SZRD1: variants seen among roughly 807,000 people sequenced by gnomAD.
SZRD1 encodes SUZ RNA-binding domain-containing.
In SZRD1, 7 loss-of-function variants were observed where a neutral mutation model predicts 17.6. The observed-to-expected ratio is 0.40, with a 90% CI of 0.23 to 0.75. SZRD1 has a LOEUF of 0.75. SZRD1 is among the 30% of genes least tolerant of loss of function. The probability of loss-of-function intolerance (pLI) is 0.38; values close to 1 mark genes in which losing one functional copy is unlikely to be tolerated. For synonymous variants in SZRD1, 77 were observed against 77.9 expected (o/e 0.99, Z 0.06); for missense variants, 178 against 201.8 (o/e 0.88, Z 0.71).
chr1:16,397,021 C>G lies in SZRD1; in HGVS notation c.*1881C>G, dbSNP rs2085323591. ...CACATTCTAAATGTGTAGTGTCCAT[C>G]CCTTATGTAATAGTGGTTTCCCGCC... On this transcript the variant is annotated 3_prime_UTR_variant, in exon 4 of 4. Coordinates refer to ENST00000401088, the MANE Select transcript of SZRD1 (RefSeq NM_001114600.3). The surrounding 1 kb of genome is among the most constrained non-coding windows in gnomAD (Gnocchi z 5.4). The G allele has an allele frequency of 6.6e-6, 1 of 152,298 alleles. No homozygotes were observed. Among genetic ancestry groups the G allele is most frequent in the Non-Finnish European group, 1.5e-5 (1 of 68,078 alleles). The allele number at this position is 152,298 out of a possible 1,614,324, so 9.4% of individuals were successfully genotyped here. A position where few individuals can be genotyped will look rare whatever the true frequency, so the allele number is the denominator to read the frequency against.
Position 16,391,578 on chromosome 1 carries a change from G to A in SZRD1, c.101+154G>A, listed in dbSNP as rs544093601. On this transcript the variant is annotated intron_variant, in intron 2 of 3. Coordinates refer to ENST00000401088, the MANE Select transcript of SZRD1 (RefSeq NM_001114600.3). The surrounding 1 kb of genome is among the most constrained non-coding windows in gnomAD (Gnocchi z 4.3). ...TTCCCTCCAAATTGGAGACCAGGAC[G>A]TGGTGGCTTGAGGCTTTAGGGTTGA... is the stretch of plus-strand genomic sequence containing the variant. 5.9e-5 allele frequency among the ~76,000 whole-genome samples: 9 copies of A among 152,152 alleles called. No individual in the cohort carries two copies. Among genetic ancestry groups the A allele is most frequent in the East Asian group, 3.9e-4 (2 of 5,186 alleles).
chr1:16,398,080 G>T lies in SZRD1; in HGVS notation c.*2940G>T. On this transcript the variant is annotated 3_prime_UTR_variant, in exon 4 of 4. Coordinates refer to ENST00000401088, the MANE Select transcript of SZRD1 (RefSeq NM_001114600.3). ...CACTCCCACCCCACCCTGCACCGCG[G>T]GCTCCTGAGTCGGCAGATTAAGCAT... 3.4e-6 allele frequency: 3 copies of T among 882,692 alleles called. No individual in the cohort carries two copies. The South Asian group carries it at 1.6e-4, about 46-fold the overall frequency. The allele number at this position is 882,692 out of a possible 1,614,324, so 54.7% of individuals were successfully genotyped here.
intron 1 of SZRD1, among the ~76,000 whole-genome samples, chr1:16,376,719 T>C (rs980405035): frequency 6.7e-6 from 1 of 148,486 alleles, no homozygotes; most frequent in Non-Finnish European, 1.5e-5. Flanking sequence ...GGCAGGAGAA[T>C]CGCTTGAACT....
chr1:16,395,526 A>G lies in SZRD1; in HGVS notation c.*386A>G. The G allele has an allele frequency of 4.8e-6, 1 of 209,022 alleles. No individual in the cohort carries two copies. The allele number at this position is 209,022 out of a possible 1,614,324, so 12.9% of individuals were successfully genotyped here. On this transcript the variant is annotated 3_prime_UTR_variant, in exon 4 of 4. Coordinates refer to ENST00000401088, the MANE Select transcript of SZRD1 (RefSeq NM_001114600.3). ...CATTAATTTGGGATTTCAAAACACAAATGAAAACTCACACCCACCCACCCC... is the reference window on the plus strand; with the variant it reads ...CATTAATTTGGGATTTCAAAACACAGATGAAAACTCACACCCACCCACCCC...
intron 1 of SZRD1, among the ~76,000 whole-genome samples, chr1:16,390,001 A>G (rs887217735): frequency 1.3e-5 from 2 of 152,206 alleles, no homozygotes; most frequent in African/African-American, 4.8e-5. Flanking sequence ...CATTTCCCCA[A>G]TAGTGGCAAC....
At chr1:16,387,796 T>C (rs1182924597) in intron 1 of SZRD1, 2 of 429,770 alleles carry the variant, frequency 4.7e-6, no homozygotes, top group Non-Finnish European at 9.3e-6. Context: ...CCTTAAAAGG[T>C]AATAGGCAAT....
chr1:16,393,521 C>G lies in SZRD1; in HGVS notation c.356+39C>G. ...GCAGGGCCGGCCAGTGATGGCTGTCCCAGTCCACCCGGGAAGAGGAGAGCA... is the reference window on the plus strand; with the variant it reads ...GCAGGGCCGGCCAGTGATGGCTGTCGCAGTCCACCCGGGAAGAGGAGAGCA... On this transcript the variant is annotated intron_variant, in intron 3 of 3. Transcript: ENST00000401088. This position sits in a 1 kb window ranked among gnomAD's most constrained non-coding sequence, Gnocchi z 5.6. 1.3e-6 allele frequency: 2 copies of G among 1,567,808 alleles called. No individual in the cohort carries two copies. Among genetic ancestry groups the G allele is most frequent in the South Asian group, 1.1e-5 (1 of 86,978 alleles).
At chr1:16,376,694 T>C (rs2083008291) in intron 1 of SZRD1, among the ~76,000 whole-genome samples, 1 of 150,662 alleles carries the variant, frequency 6.6e-6, no homozygotes, top group Non-Finnish European at 1.5e-5. Flanking sequence ...TAACCCAAGC[T>C]ACCTGGGAGG....
rs1233341594 is a variant in SZRD1, at chr1:16,387,641, G to C, written c.52-3734G>C. On this transcript the variant is annotated intron_variant, in intron 1 of 3. Coordinates refer to ENST00000401088, the MANE Select transcript of SZRD1 (RefSeq NM_001114600.3). Reference sequence around the variant, plus strand: ...GCTTGCCTGGTCTATGAAGGCATTTGGTCTCAACCCTCAAAGGCTTCTAAA... The same window carrying C: ...GCTTGCCTGGTCTATGAAGGCATTTCGTCTCAACCCTCAAAGGCTTCTAAA... 6.6e-6 allele frequency: 3 copies of C among 456,600 alleles called. No individual in the cohort carries two copies. In the Admixed American group the frequency reaches 7.0e-5, roughly 11 times the overall value. The allele number at this position is 456,600 out of a possible 1,614,324, so 28.3% of individuals were successfully genotyped here.
intron 1 of SZRD1, among the ~76,000 whole-genome samples, chr1:16,376,745 G>T (rs2083009073): frequency 1.4e-5 from 2 of 143,920 alleles, no homozygotes; most frequent in Non-Finnish European, 3.0e-5. Flanking sequence ...GGCAGAGGTT[G>T]CAATGAGCTG....
At position 16,389,282 on chromosome 1, in the gene SZRD1, G is replaced by A. The variant is rs1439110084; in HGVS notation, c.52-2093G>A. 3.0e-5 allele frequency among the ~76,000 whole-genome samples: 4 copies of A among 132,124 alleles called. No homozygotes were observed. The Admixed American group carries it at 3.1e-4, about 10-fold the overall frequency. The allele number at this position is 132,124 out of a possible 152,430, so 86.7% of individuals were successfully genotyped here. On this transcript the variant is annotated intron_variant, in intron 1 of 3. Coordinates refer to ENST00000401088, the MANE Select transcript of SZRD1 (RefSeq NM_001114600.3). ...GTATTTTTTTGAGGGGGGGTGGGGGGGGGGCAGAGTCTTGCTCTGTCGCCC... is the reference window on the plus strand; with the variant it reads ...GTATTTTTTTGAGGGGGGGTGGGGGAGGGGCAGAGTCTTGCTCTGTCGCCC...
Position 16,393,065 on chromosome 1 carries a change from C to T in SZRD1, c.102-163C>T, listed in dbSNP as rs567682406. 1.2e-4 allele frequency among the ~76,000 whole-genome samples: 18 copies of T among 152,230 alleles called. No individual in the cohort carries two copies. The highest frequency in any genetic ancestry group is 3.6e-4 in the African/African-American group (15 of 41,528). ...CGCAAGCTTACTTTTTTGGGACACCCTTCTTGAGGAGTGGAAATTTTGCTG... is the reference window on the plus strand; with the variant it reads ...CGCAAGCTTACTTTTTTGGGACACCTTTCTTGAGGAGTGGAAATTTTGCTG... On this transcript the variant is annotated intron_variant, in intron 2 of 3. Coordinates refer to ENST00000401088, the MANE Select transcript of SZRD1 (RefSeq NM_001114600.3). This position sits in a 1 kb window ranked among gnomAD's most constrained non-coding sequence, Gnocchi z 5.6.
intron 1 of SZRD1, among the ~76,000 whole-genome samples, chr1:16,368,380 C>T (rs1360663629): frequency 6.6e-6 from 1 of 151,946 alleles, no homozygotes; most frequent in East Asian, 1.9e-4. Context: ...TGGAAGAGGC[C>T]GGGAAATTGA....
At chr1:16,394,946 C>T (rs2085284303) in intron 3 of SZRD1, 92 bp from the exon 4 acceptor site, 1 of 780,814 alleles carries the variant, frequency 1.3e-6, no homozygotes, top group Admixed American at 2.7e-5. Flanking sequence ...CAGAATGAGA[C>T]TCCGTCTCAA....
Position 16,397,917 on chromosome 1 carries a change from A to G in SZRD1, c.*2777A>G, listed in dbSNP as rs1337623271. 1.2e-5 allele frequency: 6 copies of G among 498,546 alleles called. No individual in the cohort carries two copies. In the South Asian group the frequency reaches 2.6e-4, roughly 22 times the overall value. The allele number at this position is 498,546 out of a possible 1,614,324, so 30.9% of individuals were successfully genotyped here. Reference sequence around the variant, plus strand: ...AGCCTCCCTGGTAAGCAGAGACTCAAGAAACCTCTGGGGTCCTGTTTTCTG... The same window carrying G: ...AGCCTCCCTGGTAAGCAGAGACTCAGGAAACCTCTGGGGTCCTGTTTTCTG... On this transcript the variant is annotated 3_prime_UTR_variant, in exon 4 of 4. Transcript: ENST00000401088. This position sits in a 1 kb window ranked among gnomAD's most constrained non-coding sequence, Gnocchi z 5.4.
chr1:16,384,585 G>T (rs2083157130), intron 1 of SZRD1, among the ~76,000 whole-genome samples: 1 of 152,180 alleles, frequency 6.6e-6, no homozygotes, highest in Non-Finnish European at 1.5e-5. Context: ...TTGCAGGGGA[G>T]ACTGGTCCAC....
intron 1 of SZRD1, among the ~76,000 whole-genome samples, chr1:16,390,921 G>T (rs1310023528): frequency 6.6e-6 from 1 of 152,058 alleles, no homozygotes; most frequent in Non-Finnish European, 1.5e-5. Flanking sequence ...AGAAGGTATG[G>T]GTGAGGCATG....
At chr1:16,390,586 A>G (rs1384040492) in intron 1 of SZRD1, 2 of 152,232 alleles carry the variant, frequency 1.3e-5, no homozygotes, top group African/African-American at 4.8e-5. Flanking sequence ...GGACCTCCAA[A>G]GCCACAAACA....
Position 16,367,656 on chromosome 1 carries a change from A to G in SZRD1, c.51+348A>G. On this transcript the variant is annotated intron_variant, in intron 1 of 3. Coordinates refer to ENST00000401088, the MANE Select transcript of SZRD1 (RefSeq NM_001114600.3). ...GATGAGCCTTGTGGCCCGAGGCACCATTTTAAAGTTCTTGTGCTCTGACCG... is the reference window on the plus strand; with the variant it reads ...GATGAGCCTTGTGGCCCGAGGCACCGTTTTAAAGTTCTTGTGCTCTGACCG... 1.1e-5 allele frequency: 4 copies of G among 349,418 alleles called. No individual in the cohort carries two copies. In the South Asian group the frequency reaches 1.2e-4, roughly 11 times the overall value. 21.6% of individuals were successfully genotyped at this position (349,418 alleles called of 1,614,324 possible). A position where few individuals can be genotyped will look rare whatever the true frequency, so the allele number is the denominator to read the frequency against.
Sources: allele counts gnomAD v4.1 joint callset (sites outside exome capture counted in the v4.1 genomes callset), GRCh38; gene constraint gnomAD v4.1.1; non-coding constraint Gnocchi (gnomAD v3.1); transcripts MANE v1.5; gene names NCBI Gene and HGNC (gene_info 2026-07-23, HGNC 2026-07-21).